Variants in NOL4 observed in about 807,000 individuals in gnomAD.
NOL4 encodes cancer/testis antigen 125.
A neutral mutation model predicts 75.9 loss-of-function variants in NOL4; 17 were observed. The ratio of observed to expected loss-of-function variants is 0.22; its 90% CI spans 0.15 to 0.34. The LOEUF (loss-of-function observed/expected upper bound fraction) is 0.34. Among genes scored for constraint, NOL4 ranks in the 10% least tolerant of loss-of-function variants. The probability of loss-of-function intolerance (pLI) is 1.00; values close to 1 mark genes in which losing one functional copy is unlikely to be tolerated. For synonymous variants in NOL4, 292 were observed against 289.9 expected, an observed-to-expected ratio of 1.01 and a Z score of -0.07; for missense variants, 614 against 793.5, an observed-to-expected ratio of 0.77 and a Z score of 2.72.
At chr18:33,898,155 C>A (rs543116196) in intron 9 of NOL4, among the ~76,000 whole-genome samples, 2 of 152,274 alleles carry the variant, frequency 1.3e-5, no homozygotes, top group East Asian at 3.9e-4. Flanking sequence ...TCAAGCAATC[C>A]TTCTGCCTTG....
intron 6 of NOL4, among the ~76,000 whole-genome samples, chr18:34,010,413 T>G (rs1008062766): frequency 1.3e-4 from 20 of 151,890 alleles, no homozygotes; most frequent in Non-Finnish European, 2.7e-4. Flanking sequence ...GATAGACACT[T>G]CGGTTGATTC....
chr18:34,218,478 G>A (rs2037071820), intron 1 of NOL4, among the ~76,000 whole-genome samples: 1 of 152,156 alleles, frequency 6.6e-6, no homozygotes, highest in Non-Finnish European at 1.5e-5. Context: ...ATATTCAGAG[G>A]AAATCTCCTG....
At chr18:33,888,861 C>T (rs1176179407) in intron 9 of NOL4, among the ~76,000 whole-genome samples, 5 of 152,026 alleles carry the variant, frequency 3.3e-5, no homozygotes, top group Non-Finnish European at 5.9e-5. Context: ...ATTTTGCCTC[C>T]AGCTTTGTTC....
chr18:34,034,746 C>A (rs1273231018), intron 5 of NOL4, among the ~76,000 whole-genome samples: 1 of 149,694 alleles, frequency 6.7e-6, no homozygotes, highest in East Asian at 2.0e-4. Flanking sequence ...CCCCACCCCA[C>A]CCCCCAAAAA....
intron 1 of NOL4, among the ~76,000 whole-genome samples, chr18:34,136,828 T>A (rs2080912583): frequency 6.6e-6 from 1 of 152,088 alleles, no homozygotes; most frequent in African/African-American, 2.4e-5. Context: ...AAAATTTATA[T>A]GTAAATTCAA....
At chr18:34,101,496 T>C (rs2079041023) in intron 4 of NOL4, among the ~76,000 whole-genome samples, 1 of 152,120 alleles carries the variant, frequency 6.6e-6, no homozygotes, top group African/African-American at 2.4e-5. Context: ...GACATGCCAA[T>C]TGCAAAAATC....
At position 34,079,988 on chromosome 18, in the gene NOL4, A is replaced by G. The variant is rs975075694; in HGVS notation, c.772+13477T>C. ...ATTGGGAAAATCCTGAATTCTGCTT[A>G]AAGGAGATGTGGTAAGCAGAAGTAA... On this transcript the variant is annotated intron_variant, in intron 5 of 10. Coordinates refer to ENST00000261592, the MANE Select transcript of NOL4 (RefSeq NM_003787.5). 2.0e-5 allele frequency among the ~76,000 whole-genome samples: 3 copies of G among 152,380 alleles called. No individual in the cohort carries two copies. In the South Asian group the frequency reaches 6.2e-4, roughly 32 times the overall value.
At chr18:34,188,918 C>T (rs1600832724) in intron 1 of NOL4, among the ~76,000 whole-genome samples, 1 of 152,024 alleles carries the variant, frequency 6.6e-6, no homozygotes, top group Admixed American at 6.6e-5. Context: ...AATATTGGTA[C>T]TTTTTTTAAA....
At chr18:34,197,758 C>A (rs1220951908) in intron 1 of NOL4, among the ~76,000 whole-genome samples, 1 of 151,708 alleles carries the variant, frequency 6.6e-6, no homozygotes, top group Non-Finnish European at 1.5e-5. Flanking sequence ...AGGAAAAGGC[C>A]TTTGTAGGGA....
At chr18:34,207,486 C>T (rs946746953) in intron 1 of NOL4, among the ~76,000 whole-genome samples, 1 of 152,172 alleles carries the variant, frequency 6.6e-6, no homozygotes, top group Non-Finnish European at 1.5e-5. Context: ...ACTCAGAGGT[C>T]AGTCTTAGTT....
chr18:34,091,736 T>C (rs2078531689), intron 5 of NOL4, among the ~76,000 whole-genome samples: 1 of 152,156 alleles, frequency 6.6e-6, no homozygotes, highest in African/African-American at 2.4e-5. Context: ...GGAAAACCTC[T>C]GATGCAGGAG....
chr18:34,173,669 T>A (rs1340774267), intron 1 of NOL4, among the ~76,000 whole-genome samples: 3 of 152,200 alleles, frequency 2.0e-5, no homozygotes, highest in African/African-American at 7.2e-5. Flanking sequence ...AGTATCTGTT[T>A]AAGTGGTGCC....
chr18:33,934,467 G>A (rs531423922), intron 9 of NOL4, among the ~76,000 whole-genome samples: 4 of 152,224 alleles, frequency 2.6e-5, no homozygotes, highest in African/African-American at 9.6e-5. Context: ...GATTCACTAC[G>A]ATGATGTAGT....
chr18:34,191,458 G>A (rs1176424412), intron 1 of NOL4, among the ~76,000 whole-genome samples: 1 of 152,040 alleles, frequency 6.6e-6, no homozygotes, highest in Non-Finnish European at 1.5e-5. Flanking sequence ...CAGAGGCAGT[G>A]CTTTTCCATT....
intron 1 of NOL4, among the ~76,000 whole-genome samples, chr18:34,202,858 T>C: frequency 6.6e-6 from 1 of 152,038 alleles, no homozygotes; most frequent in South Asian, 2.1e-4. Context: ...GAAAGTAAAA[T>C]GGTACAGACA....
Position 33,852,671 on chromosome 18 carries a change from C to T in NOL4, c.*171G>A. The T allele has an allele frequency of 1.7e-6, 1 of 595,834 alleles. No homozygotes were observed. The highest frequency in any genetic ancestry group is 2.9e-6 in the Non-Finnish European group (1 of 348,480). The allele number at this position is 595,834 out of a possible 1,614,324, so 36.9% of individuals were successfully genotyped here. On this transcript the variant is annotated 3_prime_UTR_variant, in exon 11 of 11. Coordinates refer to ENST00000261592, the MANE Select transcript of NOL4 (RefSeq NM_003787.5). ...CTCAAGTACTTCAGAGGTCAGAGTTCCTTTGAAGCACCTTAACACATCACT... is the reference window on the plus strand; with the variant it reads ...CTCAAGTACTTCAGAGGTCAGAGTTTCTTTGAAGCACCTTAACACATCACT...
At chr18:34,077,024 G>A (rs954178328) in intron 5 of NOL4, among the ~76,000 whole-genome samples, 5 of 152,062 alleles carry the variant, frequency 3.3e-5, no homozygotes, top group Non-Finnish European at 7.4e-5. Context: ...AAAGAAATGG[G>A]GCTAGGCACA....
At chr18:34,199,752 A>G (rs2035600304) in intron 1 of NOL4, among the ~76,000 whole-genome samples, 1 of 151,908 alleles carries the variant, frequency 6.6e-6, no homozygotes, top group Non-Finnish European at 1.5e-5. Context: ...TAAGGTTAGA[A>G]AAAACAGTGA....
At chr18:34,141,729 C>G (rs1051264977) in intron 1 of NOL4, among the ~76,000 whole-genome samples, 4 of 152,128 alleles carry the variant, frequency 2.6e-5, no homozygotes, top group African/African-American at 9.7e-5. Flanking sequence ...CCATGAAAAC[C>G]TTAGAAGAAA....
Sources: allele counts gnomAD v4.1 joint callset (sites outside exome capture counted in the v4.1 genomes callset), GRCh38; gene constraint gnomAD v4.1.1; transcripts MANE v1.5; gene names NCBI Gene and HGNC (gene_info 2026-07-23, HGNC 2026-07-21).